FYB2: variants seen among roughly 807,000 people sequenced by gnomAD.
The protein encoded by FYB2 is FYN-binding protein 2.
In FYB2, 103 loss-of-function variants were observed where a neutral mutation model predicts 94.1. The ratio of observed to expected loss-of-function variants is 1.09; its 90% CI spans 0.93 to 1.29. The LOEUF is 1.29. Ranked by LOEUF, FYB2 falls within the 50% of genes most tolerant of loss-of-function variation. The pLI, the probability that FYB2 is intolerant of heterozygous loss-of-function variation, is 0.00. For missense variants in FYB2, 896 were observed against 841.5 expected, an observed-to-expected ratio of 1.06 and a Z score of -0.80; for synonymous variants, 293 against 287.9, an observed-to-expected ratio of 1.02 and a Z score of -0.18.
intron 4 of FYB2, among the ~76,000 whole-genome samples, chr1:56,776,047 C>T (rs1194572047): frequency 1.4e-4 from 21 of 152,152 alleles, no homozygotes; most frequent in Admixed American, 1.4e-3. Flanking sequence ...GATAGCACTG[C>T]TAAGTAGCAG....
chr1:56,825,698 G>A, the FYB2 span, among the ~76,000 whole-genome samples: 66,627 of 151,954 alleles, frequency 0.44, 15,381 homozygotes, highest in East Asian at 0.58. Flanking sequence ...CATGAAGTCC[G>A]GTCATTCCTG....
At chr1:56,794,737 T>G (rs1179416056) in intron 1 of FYB2, among the ~76,000 whole-genome samples, 2 of 151,948 alleles carry the variant, frequency 1.3e-5, no homozygotes, top group African/African-American at 2.4e-5. Context: ...TTAACCACAC[T>G]TTCTCTCCCC....
At chr1:56,813,039 T>C (rs1366907599) in intron 1 of FYB2, among the ~76,000 whole-genome samples, 1 of 152,198 alleles carries the variant, frequency 6.6e-6, no homozygotes, top group Non-Finnish European at 1.5e-5. Context: ...GTACCAGACC[T>C]CTCTCCTTGG....
chr1:56,781,362 C>A (rs1255345757), intron 4 of FYB2, among the ~76,000 whole-genome samples: 1 of 152,150 alleles, frequency 6.6e-6, no homozygotes, highest in Non-Finnish European at 1.5e-5. Flanking sequence ...TCTCACTCCC[C>A]ACAGCTGATC....
Position 56,819,324 on chromosome 1 carries a change from C to T in FYB2, c.-34G>A. 6.2e-7 allele frequency: 1 copy of T among 1,614,044 alleles called. No individual in the cohort carries two copies. Among genetic ancestry groups the T allele is most frequent in the Non-Finnish European group, 8.5e-7 (1 of 1,180,004 alleles). On this transcript the variant is annotated 5_prime_UTR_variant, in exon 1 of 20. Coordinates refer to ENST00000343433, the MANE Select transcript of FYB2 (RefSeq NM_001004303.5). ...TCCAAGGCAGAGTCAGGGAAACAAGCCCAGCCTCTCAGAGCTGGGTCCTGG... is the reference window on the plus strand; with the variant it reads ...TCCAAGGCAGAGTCAGGGAAACAAGTCCAGCCTCTCAGAGCTGGGTCCTGG...
chr1:56,742,274 A>T (rs1644973834), intron 11 of FYB2, 53 bp from the exon 12 acceptor site: 1 of 1,358,316 alleles, frequency 7.4e-7, no homozygotes, highest in African/African-American at 1.5e-5. Flanking sequence ...AATAGTTCAG[A>T]TTCATATTTA....
intron 5 of FYB2, among the ~76,000 whole-genome samples, chr1:56,760,045 T>A (rs1263432844): frequency 6.9e-6 from 1 of 145,122 alleles, no homozygotes; most frequent in Non-Finnish European, 1.5e-5. Context: ...CGCTACTGTA[T>A]TCCAGCCTGG....
At chr1:56,737,350 T>C (rs541360254) in intron 14 of FYB2, 2 of 427,618 alleles carry the variant, frequency 4.7e-6, no homozygotes, top group East Asian at 4.0e-5. Context: ...AACTGAAAGA[T>C]TAAAAAAAAG....
intron 17 of FYB2, among the ~76,000 whole-genome samples, chr1:56,722,997 G>A (rs1310607350): frequency 6.6e-6 from 1 of 151,956 alleles, no homozygotes; most frequent in African/African-American, 2.4e-5. Context: ...AATGTCCCAT[G>A]GACTCTTAAT....
At chr1:56,757,687 C>CTTCCTTCTTTTTTCTTTCTTTCT (rs1293394860) in intron 6 of FYB2, among the ~76,000 whole-genome samples, 1 of 71,940 alleles carries the variant, frequency 1.4e-5, no homozygotes, top group Non-Finnish European at 2.6e-5. Flanking sequence ...TCCTTCCTTC[C>CTTCCTTCTTTTTTCTTTCTTTCT]TTCTTTCTTT....
At chr1:56,723,003 TTAA>T (rs1644514944) in intron 17 of FYB2, among the ~76,000 whole-genome samples, 1 of 152,034 alleles carries the variant, frequency 6.6e-6, no homozygotes, top group Non-Finnish European at 1.5e-5. Context: ...CCATGGACTC[TTAA>T]TAACAGAATA....
chr1:56,767,258 T>A (rs1003475874), intron 5 of FYB2, among the ~76,000 whole-genome samples: 14 of 152,240 alleles, frequency 9.2e-5, no homozygotes, highest in African/African-American at 3.1e-4. Flanking sequence ...CTCTGCTCCC[T>A]CATCTTTTTA....
intron 1 of FYB2, among the ~76,000 whole-genome samples, chr1:56,800,847 A>T (rs1044446726): frequency 1.6e-4 from 24 of 152,042 alleles, no homozygotes; most frequent in Admixed American, 1.3e-4. Context: ...AATACACCAC[A>T]TGCTTTCCTC....
At chr1:56,754,093 C>T (rs1180508301) in intron 7 of FYB2, among the ~76,000 whole-genome samples, 158 bp from the exon 8 acceptor site, 2 of 152,044 alleles carry the variant, frequency 1.3e-5, no homozygotes, top group Non-Finnish European at 2.9e-5. Context: ...CAATTATATA[C>T]ATAGCTTCCT....
At chr1:56,800,711 C>T (rs1646500226) in intron 1 of FYB2, among the ~76,000 whole-genome samples, 3 of 152,094 alleles carry the variant, frequency 2.0e-5, no homozygotes, top group East Asian at 1.9e-4. Context: ...AGTGCCCAGC[C>T]CCTGGCCAGT....
chr1:56,721,093 C>T (rs568968114), intron 17 of FYB2, among the ~76,000 whole-genome samples: 1 of 152,154 alleles, frequency 6.6e-6, no homozygotes, highest in Admixed American at 6.6e-5. Context: ...TTTGTATTCA[C>T]AGGCAGGCAG....
intron 6 of FYB2, among the ~76,000 whole-genome samples, chr1:56,758,412 A>T (rs1306786482): frequency 1.3e-5 from 2 of 152,078 alleles, no homozygotes; most frequent in African/African-American, 4.8e-5. Context: ...ACAAACCTGG[A>T]TTGTGCCATA....
the FYB2 span, chr1:56,826,879 G>C: frequency 1.3e-5 from 2 of 152,326 alleles, no homozygotes; most frequent in African/African-American, 4.8e-5. Flanking sequence ...TTTCTTTCCA[G>C]CTCCAATCCA....
At chr1:56,811,991 G>A (rs1489448494) in intron 1 of FYB2, among the ~76,000 whole-genome samples, 1 of 151,916 alleles carries the variant, frequency 6.6e-6, no homozygotes, top group Non-Finnish European at 1.5e-5. Flanking sequence ...TAAGCCATTG[G>A]CTAATTCATC....
Sources: gnomAD v4.1 joint callset for allele counts (sites outside exome capture counted in the v4.1 genomes callset) on GRCh38, gnomAD v4.1.1 for gene constraint, MANE v1.5 for transcripts, NCBI Gene and HGNC (gene_info 2026-07-23, HGNC 2026-07-21) for gene names.